The following SAR1A variants were observed in gnomAD, a reference collection of about 807,000 sequenced individuals.
SAR1A encodes secretion associated Ras related GTPase 1A.
Under a neutral mutation model 22.6 loss-of-function variants are expected in SAR1A, and 6 were observed. That is an observed-to-expected ratio of 0.27 (90% confidence interval 0.15 to 0.52). The LOEUF is 0.52. Among genes scored for constraint, SAR1A ranks in the 20% least tolerant of loss-of-function variants. The pLI is 0.96. For synonymous variants in SAR1A, 70 were observed against 82.2 expected (o/e 0.85, Z 0.80); for missense variants, 145 against 245.1 (o/e 0.59, Z 2.73).
chr10:70,161,483 T>C (rs1242586052), intron 3 of SAR1A, 136 bp downstream of exon 3: 15 of 956,816 alleles, frequency 1.6e-5, no homozygotes, highest in Middle Eastern at 3.4e-4. Context: ...TGAGTGTGTC[T>C]TACAGGGAAC....
At chr10:70,168,521 G>A (rs950990383) in intron 1 of SAR1A, among the ~76,000 whole-genome samples, 2 of 152,122 alleles carry the variant, frequency 1.3e-5, no homozygotes, top group Non-Finnish European at 2.9e-5. Context: ...GAACCCGGGA[G>A]GCAGAGGTTG....
Position 70,147,925 on chromosome 10 carries a change from C to CTGGA in SAR1A, c.*4547_*4550dup, listed in dbSNP as rs1327977222. ...ACGGAGTCTCGCTCTGTCGCCCAGG[C>CTGGA]TGGAGTGCAATGGTGCGATCTCCGC... On this transcript the variant is annotated 3_prime_UTR_variant, in exon 7 of 7. Transcript: ENST00000373241. 1 of 152,278 alleles carries CTGGA rather than the reference C, an allele frequency of 6.6e-6. No individual in the cohort carries two copies. Among genetic ancestry groups the CTGGA allele is most frequent in the Non-Finnish European group, 1.5e-5 (1 of 68,078 alleles). 9.4% of individuals were successfully genotyped at this position (152,278 alleles called of 1,614,324 possible).
Position 70,161,743 on chromosome 10 carries a change from A to G in SAR1A, c.59-5T>C. Reference sequence around the variant, plus strand: ...TTCCAGATTTCTTGTACAGTCCTAAAAGAGAAAAAAATTGTTAACACATTT... The same window carrying G: ...TTCCAGATTTCTTGTACAGTCCTAAGAGAGAAAAAAATTGTTAACACATTT... On this transcript the variant is annotated splice_region_variant and splice_polypyrimidine_tract_variant and intron_variant, in intron 2 of 6. Transcript: ENST00000373241. 1 of 1,613,828 alleles carries G rather than the reference A, an allele frequency of 6.2e-7. No individual in the cohort carries two copies. Among genetic ancestry groups the G allele is most frequent in the Non-Finnish European group, 8.5e-7 (1 of 1,179,962 alleles).
At position 70,161,649 on chromosome 10, in the gene SAR1A, A is replaced by G; in HGVS notation, c.148T>C (p.Leu50=). 3.7e-6 allele frequency: 6 copies of G among 1,612,360 alleles called. No homozygotes were observed. Among genetic ancestry groups the G allele is most frequent in the South Asian group, 1.1e-5 (1 of 90,996 alleles). ...TLLHMLKDDR[L]GQHVPTLHPT... is the part of the protein sequence containing the mutation. ...TGTAGTGTTGGAACATGTTGGCCCA[A>G]TCTGTCATCTTTGAGCATGTGAAGA... The change falls in exon 3 of 7, where the codon TTG becomes CTG. Residue 50 remains leucine (L), a synonymous_variant. Coordinates refer to ENST00000373241, the MANE Select transcript of SAR1A (RefSeq NM_020150.5).
rs1319012983 is a variant in SAR1A, at chr10:70,151,371, C to T, written c.*1105G>A. 1.3e-5 allele frequency: 2 copies of T among 148,196 alleles called. No individual in the cohort carries two copies. The highest frequency in any genetic ancestry group is 4.9e-5 in the African/African-American group (2 of 40,806). The allele number at this position is 148,196 out of a possible 1,614,324, so 9.2% of individuals were successfully genotyped here. A position where few individuals can be genotyped will look rare whatever the true frequency, so the allele number is the denominator to read the frequency against. On this transcript the variant is annotated 3_prime_UTR_variant, in exon 7 of 7. Transcript: ENST00000373241. ...GAAAAAATGTAAAAAAAAGAGCTCC[C>T]AAACAGCCTGAGAGACCAAATTCTG...
At chr10:70,170,268 C>T (rs370402913) in intron 1 of SAR1A, 145 bp downstream of exon 1, 1 of 151,672 alleles carries the variant, frequency 6.6e-6, no homozygotes, top group African/African-American at 2.4e-5. Context: ...CGCCCAGAAT[C>T]AGCCCCGCGG....
At chr10:70,158,234 C>T (rs1839419680) in intron 4 of SAR1A, among the ~76,000 whole-genome samples, 1 of 152,226 alleles carries the variant, frequency 6.6e-6, no homozygotes, top group Non-Finnish European at 1.5e-5. Flanking sequence ...TTACAGTCAG[C>T]CAATTTTACT....
rs1345399836 is a variant in SAR1A, at chr10:70,147,980, G to A, written c.*4496C>T. The A allele has an allele frequency of 1.3e-5, 2 of 152,244 alleles. No homozygotes were observed. The highest frequency in any genetic ancestry group is 4.8e-5 in the African/African-American group (2 of 41,444). The allele number at this position is 152,244 out of a possible 1,614,324, so 9.4% of individuals were successfully genotyped here. A position where few individuals can be genotyped will look rare whatever the true frequency, so the allele number is the denominator to read the frequency against. On this transcript the variant is annotated 3_prime_UTR_variant, in exon 7 of 7. Transcript: ENST00000373241. ...TGCAAACTCCGCCTCCTGGGTTCAC[G>A]CTATTCTCCTGCCTCAGCCTCCCCA...
chr10:70,153,227 T>C (rs970018414), intron 6 of SAR1A, among the ~76,000 whole-genome samples: 6 of 152,208 alleles, frequency 3.9e-5, no homozygotes, highest in African/African-American at 1.4e-4. Context: ...CTTTATCTGA[T>C]CTAGATTTTC....
intron 6 of SAR1A, among the ~76,000 whole-genome samples, chr10:70,153,220 T>C (rs1461427581): frequency 6.6e-6 from 1 of 152,224 alleles, no homozygotes; most frequent in Non-Finnish European, 1.5e-5. Flanking sequence ...TGCTTAACTT[T>C]ATCTGATCTA....
At chr10:70,157,390 C>A (rs2136712613) in intron 5 of SAR1A, among the ~76,000 whole-genome samples, 1 of 134,606 alleles carries the variant, frequency 7.4e-6, no homozygotes. Flanking sequence ...GGCAACAGAG[C>A]AAGACTCCGT....
chr10:70,147,794 A>AT lies in SAR1A; in HGVS notation c.*4681dup, dbSNP rs2136703558. 6.6e-6 allele frequency: 1 copy of AT among 152,408 alleles called. No homozygotes were observed. Among genetic ancestry groups the AT allele is most frequent in the African/African-American group, 2.4e-5 (1 of 41,580 alleles). 9.4% of individuals were successfully genotyped at this position (152,408 alleles called of 1,614,324 possible). ...GAGTGGGGGGGCGCGGAGCTTCATG[A>AT]TACCCTCAATCAGTCACCACAAGCT... On this transcript the variant is annotated 3_prime_UTR_variant, in exon 7 of 7. Transcript: ENST00000373241.
At chr10:70,158,379 T>C (rs898949882) in intron 4 of SAR1A, among the ~76,000 whole-genome samples, 3 of 152,222 alleles carry the variant, frequency 2.0e-5, no homozygotes, top group Non-Finnish European at 2.9e-5. Flanking sequence ...GTAGGCGTCT[T>C]GACACATTCC....
intron 3 of SAR1A, 47 bp from the exon 4 acceptor site, chr10:70,161,116 C>T (rs776956698): frequency 3.0e-6 from 4 of 1,312,924 alleles, no homozygotes; most frequent in African/African-American, 1.5e-5. Flanking sequence ...AACTCAACAA[C>T]CCCCAACTAC....
intron 6 of SAR1A, 84 bp from the exon 7 acceptor site, chr10:70,152,676 C>A: frequency 9.9e-7 from 1 of 1,006,474 alleles, no homozygotes; most frequent in African/African-American, 1.6e-5. Flanking sequence ...ATCATTTTAT[C>A]CATTCCTTAA....
In SAR1A at chr10:70,161,190, T is replaced by C. The variant is rs1429452727; in HGVS notation, c.179-121A>G. On this transcript the variant is annotated intron_variant, in intron 3 of 6. Transcript: ENST00000373241. Reference sequence around the variant, plus strand: ...AGAAAAAGATACAAGAAGTTGAGTGTGGTGGTACCCGCCTGTAGTTCCAGC... The same window carrying C: ...AGAAAAAGATACAAGAAGTTGAGTGCGGTGGTACCCGCCTGTAGTTCCAGC... 5.4e-6 allele frequency: 4 copies of C among 736,928 alleles called. No individual in the cohort carries two copies. In the African/African-American group the frequency reaches 7.2e-5, roughly 13 times the overall value. 45.6% of individuals were successfully genotyped at this position (736,928 alleles called of 1,614,324 possible).
intron 1 of SAR1A, among the ~76,000 whole-genome samples, chr10:70,169,167 T>C (rs573834081): frequency 6.6e-6 from 1 of 152,162 alleles, no homozygotes; most frequent in African/African-American, 2.4e-5. Flanking sequence ...GTTGAAAAAG[T>C]AATAGTGCCA....
intron 4 of SAR1A, 116 bp from the exon 5 acceptor site, chr10:70,157,983 T>C (rs959166373): frequency 1.4e-5 from 9 of 665,798 alleles, no homozygotes; most frequent in East Asian, 2.7e-5. Context: ...TTAGACTCTA[T>C]GGATTTCTCC....
rs1019530397 is a variant in SAR1A at position 70,147,616 on chromosome 10, T to G, written c.*4860A>C. 7.9e-5 allele frequency: 12 copies of G among 152,244 alleles called. No homozygotes were observed. The highest frequency in any genetic ancestry group is 2.9e-4 in the African/African-American group (12 of 41,464). The allele number at this position is 152,244 out of a possible 1,614,324, so 9.4% of individuals were successfully genotyped here. On this transcript the variant is annotated 3_prime_UTR_variant, in exon 7 of 7. Coordinates refer to ENST00000373241, the MANE Select transcript of SAR1A (RefSeq NM_020150.5). ...CCAACCATTTAAATATGTAAAAACC[T>G]TTCTTTGCTCACAGGCCATACAAAC...
Sources: allele counts gnomAD v4.1 joint callset (sites outside exome capture counted in the v4.1 genomes callset), GRCh38; gene constraint gnomAD v4.1.1; transcripts MANE v1.5; gene names NCBI Gene and HGNC (gene_info 2026-07-23, HGNC 2026-07-21).